Variants in NAV2 observed in about 807,000 individuals in gnomAD.
NAV2 encodes helicase, APC down-regulated 1.
Under a neutral mutation model 223.2 loss-of-function variants are expected in NAV2, and 54 were observed. That is an observed-to-expected ratio of 0.24 (90% CI 0.19 to 0.30). NAV2 has a LOEUF of 0.30. Ranked by LOEUF, NAV2 falls within the 10% of genes least tolerant of loss-of-function variation. The probability of loss-of-function intolerance (pLI) is 1.00; values close to 1 mark genes in which losing one functional copy is unlikely to be tolerated. For synonymous variants in NAV2, 1,279 were observed against 1,239.3 expected (o/e 1.03, Z -0.67); for missense variants, 2,806 against 3,147.5 (o/e 0.89, Z 2.60).
At chr11:19,547,665 G>GT (rs140576777) in intron 1 of NAV2, among the ~76,000 whole-genome samples, 19 of 152,240 alleles carry the variant, frequency 1.2e-4, no homozygotes, top group Non-Finnish European at 1.9e-4. Context: ...ATGGAAGGGA[G>GT]TGGGGGCTGA....
At chr11:19,961,780 G>A (rs11820743) in intron 10 of NAV2, among the ~76,000 whole-genome samples, 6,191 of 152,146 alleles carry the variant, frequency 0.041, 404 homozygotes, top group African/African-American at 0.14. Context: ...TAGCCCTATT[G>A]GAGTTACTAC....
At chr11:19,550,238 C>T (rs1162988470) in intron 1 of NAV2, among the ~76,000 whole-genome samples, 1 of 152,198 alleles carries the variant, frequency 6.6e-6, no homozygotes, top group African/African-American at 2.4e-5. Context: ...TTCTGAAGCT[C>T]ATTTAATAAA....
At chr11:19,489,124 C>T (rs1218505900) in intron 1 of NAV2, among the ~76,000 whole-genome samples, 1 of 152,212 alleles carries the variant, frequency 6.6e-6, no homozygotes, top group Non-Finnish European at 1.5e-5. Flanking sequence ...CCAGAAGGTT[C>T]CCTTTACCCC....
At chr11:19,666,627 A>G (rs1022925363) in intron 1 of NAV2, among the ~76,000 whole-genome samples, 3 of 152,116 alleles carry the variant, frequency 2.0e-5, no homozygotes, top group Non-Finnish European at 4.4e-5. Context: ...TAAGGCTGAG[A>G]TGATGCCCTT....
intron 1 of NAV2, among the ~76,000 whole-genome samples, chr11:19,628,839 C>A (rs4757830): frequency 0.85 from 129,613 of 152,130 alleles, 58,247 homozygotes; most frequent in Non-Finnish European, 0.98. Flanking sequence ...TGATTACCAT[C>A]ATATCCAAAT....
At chr11:19,468,773 T>C (rs1314607474) in intron 1 of NAV2, among the ~76,000 whole-genome samples, 1 of 152,208 alleles carries the variant, frequency 6.6e-6, no homozygotes, top group Non-Finnish European at 1.5e-5. Context: ...ATTATTATTA[T>C]TACTGCATAG....
intron 3 of NAV2, among the ~76,000 whole-genome samples, chr11:19,860,320 G>C (rs1194780476): frequency 4.1e-3 from 484 of 119,072 alleles, no homozygotes; most frequent in South Asian, 6.0e-3. Context: ...CAGACAGGGC[G>C]GTTGCCAGGC....
At chr11:19,372,137 C>A (rs1324300165) in intron 1 of NAV2, among the ~76,000 whole-genome samples, 1 of 152,136 alleles carries the variant, frequency 6.6e-6, no homozygotes, top group African/African-American at 2.4e-5. Flanking sequence ...AATTGGAAAA[C>A]CTGGATATAA....
At chr11:20,070,841 A>C (rs1465257082) in intron 22 of NAV2, among the ~76,000 whole-genome samples, 1 of 152,080 alleles carries the variant, frequency 6.6e-6, no homozygotes, top group African/African-American at 2.4e-5. Context: ...CACAAAGGCA[A>C]CCCTTTTGTT....
chr11:20,072,430 T>C (rs2059461222), intron 22 of NAV2, among the ~76,000 whole-genome samples: 1 of 146,892 alleles, frequency 6.8e-6, no homozygotes, highest in Admixed American at 6.8e-5. Context: ...CTTTTTTGGT[T>C]CCATATGAAA....
At position 19,714,647 on chromosome 11, in the gene NAV2, G is replaced by A. The variant is rs930530704; in HGVS notation, c.267+685G>A. 9.5e-5 allele frequency: 35 copies of A among 369,028 alleles called. No individual in the cohort carries two copies. In the East Asian group the frequency reaches 1.4e-3, roughly 15 times the overall value. 22.9% of individuals were successfully genotyped at this position (369,028 alleles called of 1,614,324 possible). A position where few individuals can be genotyped will look rare whatever the true frequency, so the allele number is the denominator to read the frequency against. On this transcript the variant is annotated intron_variant, in intron 1 of 37. Transcript: ENST00000349880. The stretch of plus-strand genomic sequence containing the variant: ...AGGTGGCTGCCTCAGAATGGCGGCC[G>A]AAGCTAAGCCCCTCCTTCCTGGGTG...
intron 1 of NAV2, among the ~76,000 whole-genome samples, chr11:19,751,099 G>A (rs1422511385): frequency 2.6e-5 from 4 of 152,142 alleles, no homozygotes; most frequent in Non-Finnish European, 5.9e-5. Context: ...TTACACCATG[G>A]AAATTGGCAA....
At chr11:19,850,131 T>C (rs891633600) in intron 3 of NAV2, among the ~76,000 whole-genome samples, 10 of 152,220 alleles carry the variant, frequency 6.6e-5, no homozygotes, top group African/African-American at 2.4e-4. Flanking sequence ...AAAGTACTTA[T>C]TTACAGATAA....
chr11:19,706,338 A>G (rs2049661550), intron 1 of NAV2, among the ~76,000 whole-genome samples: 1 of 152,244 alleles, frequency 6.6e-6, no homozygotes, highest in Admixed American at 6.5e-5. Flanking sequence ...CATACCTCTT[A>G]GAGTTTCAAC....
chr11:19,434,946 T>C (rs1851163360), intron 1 of NAV2, among the ~76,000 whole-genome samples: 1 of 151,564 alleles, frequency 6.6e-6, no homozygotes, highest in Non-Finnish European at 1.5e-5. Flanking sequence ...TATCCAGTTC[T>C]TTGAAATCTT....
chr11:19,855,988 G>C (rs1383973450), intron 3 of NAV2, among the ~76,000 whole-genome samples: 3 of 152,120 alleles, frequency 2.0e-5, no homozygotes, highest in African/African-American at 7.2e-5. Flanking sequence ...TAGTCCTTGG[G>C]GTGGGTGGAG....
intron 1 of NAV2, among the ~76,000 whole-genome samples, chr11:19,451,520 C>T (rs1295439742): frequency 6.6e-6 from 1 of 152,202 alleles, no homozygotes; most frequent in African/African-American, 2.4e-5. Context: ...TCTAAACAAA[C>T]AGCAGTGGGG....
intron 1 of NAV2, among the ~76,000 whole-genome samples, chr11:19,787,345 G>A (rs996575302): frequency 5.6e-5 from 8 of 142,812 alleles, no homozygotes; most frequent in Non-Finnish European, 1.0e-4. Context: ...TGAATTCCTG[G>A]GGAAAAGGGA....
At chr11:19,581,638 A>T (rs889193318) in intron 1 of NAV2, among the ~76,000 whole-genome samples, 1 of 152,014 alleles carries the variant, frequency 6.6e-6, no homozygotes, top group Non-Finnish European at 1.5e-5. Context: ...TCCTTGTGAT[A>T]GTTTGCTGAG....
Sources: allele counts gnomAD v4.1 joint callset (sites outside exome capture counted in the v4.1 genomes callset), GRCh38; gene constraint gnomAD v4.1.1; transcripts MANE v1.5; gene names NCBI Gene and HGNC (gene_info 2026-07-23, HGNC 2026-07-21).